Variants in PDZD2 observed in about 807,000 individuals in gnomAD.
PDZD2 encodes the protein PDZ domain-containing protein 2.
In PDZD2, 90 loss-of-function variants were observed where a neutral mutation model predicts 220.7. The ratio of observed to expected loss-of-function variants is 0.41; its 90% confidence interval spans 0.34 to 0.49. The LOEUF (loss-of-function observed/expected upper bound fraction) is 0.49, where lower values mean the gene tolerates loss of function less well. Ranked by LOEUF, PDZD2 falls within the 20% of genes least tolerant of loss-of-function variation. The pLI, the probability that PDZD2 is intolerant of heterozygous loss-of-function variation, is 0.28. For missense variants in PDZD2, 3,174 were observed against 3,608.5 expected, an observed-to-expected ratio of 0.88 and a Z score of 3.08; for synonymous variants, 1,375 against 1,450.5, an observed-to-expected ratio of 0.95 and a Z score of 1.18.
rs1177016838 is a variant in PDZD2, at chr5:32,002,908, CCA to C, written c.1254+2647_1254+2648del. ...CCACACACACCAACACACACCCCCA[CCA>C]CACACACACCACACACACCTCACAC... is the stretch of plus-strand genomic sequence containing the variant. On this transcript the variant is annotated intron_variant, in intron 5 of 24. Transcript: ENST00000438447. Among the ~76,000 whole-genome samples the C allele has an allele frequency of 3.1e-4, 25 of 81,468 alleles. 1 individual carries two copies. The highest frequency in any genetic ancestry group is 1.0e-3 in the African/African-American group (21 of 20,506). 53.4% of individuals were successfully genotyped at this position (81,468 alleles called of 152,430 possible). A position where few individuals can be genotyped will look rare whatever the true frequency, so the allele number is the denominator to read the frequency against.
chr5:31,949,466 T>C (rs1410576171), intron 2 of PDZD2, among the ~76,000 whole-genome samples: 1 of 152,132 alleles, frequency 6.6e-6, no homozygotes, highest in Non-Finnish European at 1.5e-5. Context: ...TCTTCTGCCC[T>C]TTAATCTTTT....
At chr5:31,967,169 G>A (rs572381475) in intron 2 of PDZD2, among the ~76,000 whole-genome samples, 1 of 152,296 alleles carries the variant, frequency 6.6e-6, no homozygotes, top group South Asian at 2.1e-4. Flanking sequence ...AAGAATTGAG[G>A]CAAGCTGGGG....
At chr5:32,080,192 C>CA (rs1317249913) in intron 19 of PDZD2, among the ~76,000 whole-genome samples, 6 of 151,762 alleles carry the variant, frequency 4.0e-5, no homozygotes, top group African/African-American at 1.2e-4. Context: ...ACTAAAAATA[C>CA]AAAAAATTAG....
intron 1 of PDZD2, among the ~76,000 whole-genome samples, chr5:31,721,105 T>C (rs1413159375): frequency 6.6e-6 from 1 of 152,172 alleles, no homozygotes; most frequent in Non-Finnish European, 1.5e-5. Context: ...AAGGGAGTTG[T>C]TAACAGACTG....
chr5:31,809,451 C>G (rs1041684397), intron 2 of PDZD2, among the ~76,000 whole-genome samples: 5 of 152,270 alleles, frequency 3.3e-5, no homozygotes, highest in Admixed American at 2.0e-4. Context: ...GGGAGGTGCC[C>G]CATTCGAGTC....
intron 6 of PDZD2, among the ~76,000 whole-genome samples, chr5:32,030,171 T>C (rs975741326): frequency 3.3e-5 from 5 of 152,264 alleles, no homozygotes; most frequent in Admixed American, 3.3e-4. Flanking sequence ...CAGTCAGTCC[T>C]GGGCCACATT....
intron 2 of PDZD2, among the ~76,000 whole-genome samples, chr5:31,839,058 T>C (rs756225739): frequency 6.6e-6 from 1 of 152,232 alleles, no homozygotes; most frequent in Non-Finnish European, 1.5e-5. Flanking sequence ...GTGCCTGTTC[T>C]GCGTACAGGT....
rs777571422 is a variant in PDZD2, at chr5:32,087,907, T to G, written c.4459T>G (p.Trp1487Gly). 6.2e-7 allele frequency: 1 copy of G among 1,613,590 alleles called. No homozygotes were observed. Among genetic ancestry groups the G allele is most frequent in the East Asian group, 2.2e-5 (1 of 44,882 alleles). ...CCAGACCTCCTCCCCGAGGAGGGCC[T>G]GGGCTGCTGGTGCCCCCGCCTACCC... is the stretch of plus-strand genomic sequence containing the variant. The part of the protein sequence containing the change: ...GGQTSSPRRA[W>G]AAGAPAYPQW... The change falls in exon 20 of 25, where the codon TGG (tryptophan) becomes GGG (glycine). Residue 1487 changes from tryptophan (W) to glycine (G), a missense_variant. Coordinates refer to ENST00000438447, the MANE Select transcript of PDZD2 (RefSeq NM_178140.4). This position sits in a 1 kb window ranked among gnomAD's most constrained non-coding sequence, Gnocchi z 4.0.
At position 31,779,535 on chromosome 5, in the gene PDZD2, G is replaced by T. The variant is rs188979607; in HGVS notation, c.-360-19354G>T. ...ACTACAGGCGCCCGCCACCACGCCCGGCTAACTTTTTGTATTTTTAGTAGA... is the reference window on the plus strand; with the variant it reads ...ACTACAGGCGCCCGCCACCACGCCCTGCTAACTTTTTGTATTTTTAGTAGA... On this transcript the variant is annotated intron_variant, in intron 1 of 24. Coordinates refer to ENST00000438447, the MANE Select transcript of PDZD2 (RefSeq NM_178140.4). 4.3e-3 allele frequency among the ~76,000 whole-genome samples: 658 copies of T among 151,908 alleles called. 19 individuals are homozygous for T. Among genetic ancestry groups the T allele is most frequent in the Admixed American group, 0.037 (558 of 15,260 alleles).
intron 2 of PDZD2, among the ~76,000 whole-genome samples, chr5:31,925,703 C>CT (rs1293662759): frequency 6.6e-6 from 1 of 151,248 alleles, no homozygotes; most frequent in Non-Finnish European, 1.5e-5. Flanking sequence ...TTTGCAAACT[C>CT]TGTTTCCAAC....
chr5:31,784,332 A>G (rs1753251522), intron 1 of PDZD2, among the ~76,000 whole-genome samples: 1 of 152,218 alleles, frequency 6.6e-6, no homozygotes, highest in Non-Finnish European at 1.5e-5. Context: ...AAGGAAGTCA[A>G]GTTTTTATTT....
intron 1 of PDZD2, among the ~76,000 whole-genome samples, chr5:31,666,389 G>A (rs1745988220): frequency 6.6e-6 from 1 of 152,208 alleles, no homozygotes; most frequent in Admixed American, 6.5e-5. Flanking sequence ...CTGCAGCCGA[G>A]CTTATCTCCT....
chr5:32,090,351 C>T lies in PDZD2; in HGVS notation c.6903C>T (p.Val2301=). The T allele has an allele frequency of 6.2e-7, 1 of 1,614,156 alleles. No individual in the cohort carries two copies. Among genetic ancestry groups the T allele is most frequent in the Non-Finnish European group, 8.5e-7 (1 of 1,179,992 alleles). The change falls in exon 20 of 25, where the codon GTC becomes GTT. Residue 2301 remains valine (V), a synonymous_variant. Coordinates refer to ENST00000438447, the MANE Select transcript of PDZD2 (RefSeq NM_178140.4). The surrounding 1 kb of genome is among the most constrained non-coding windows in gnomAD (Gnocchi z 4.3). ...CAGATGAAGGGGATATCATTTCAGT[C>T]CAGGAGACGAGCTGCCTAGTCACAG... ...PATDEGDIIS[V]QETSCLVTDK...
At chr5:31,650,406 ATC>A (rs1745307986) in intron 1 of PDZD2, among the ~76,000 whole-genome samples, 1 of 152,134 alleles carries the variant, frequency 6.6e-6, no homozygotes, top group Admixed American at 6.5e-5. Context: ...TCCATACAGA[ATC>A]TCTGAGAAGC....
Position 32,108,165 on chromosome 5 carries a change from CTTCT to C in PDZD2, c.*37_*40del, listed in dbSNP as rs531917433. The C allele has an allele frequency of 3.8e-5, 57 of 1,515,164 alleles. 1 individual carries two copies. In the South Asian group the frequency reaches 4.3e-4, roughly 11 times the overall value. 93.9% of individuals were successfully genotyped at this position (1,515,164 alleles called of 1,614,324 possible). On this transcript the variant is annotated 3_prime_UTR_variant, in exon 25 of 25. Transcript: ENST00000438447. ...TAACAAGAATCATTTTCTCAGTTCT[CTTCT>C]TTCTTTAGCAAATCAGAGTGACTTC...
At chr5:31,796,560 A>G (rs1754037474) in intron 1 of PDZD2, among the ~76,000 whole-genome samples, 1 of 152,180 alleles carries the variant, frequency 6.6e-6, no homozygotes, top group African/African-American at 2.4e-5. Context: ...GGTCTCGGGG[A>G]AGAACCCTGA....
At chr5:31,910,143 G>A (rs1743038004) in intron 2 of PDZD2, among the ~76,000 whole-genome samples, 1 of 151,464 alleles carries the variant, frequency 6.6e-6, no homozygotes, top group Admixed American at 6.6e-5. Flanking sequence ...ACTTACCTAT[G>A]CGCTCAAAGT....
chr5:32,109,618 G>A lies in PDZD2; in HGVS notation c.*1483G>A, dbSNP rs888869224. ...CAGAAATGTAGTTACAAGCCAGGTC[G>A]TCTTCAGTGGCACAAACCAACCCGT... On this transcript the variant is annotated 3_prime_UTR_variant, in exon 25 of 25. Coordinates refer to ENST00000438447, the MANE Select transcript of PDZD2 (RefSeq NM_178140.4). The A allele has an allele frequency of 3.3e-5, 5 of 152,094 alleles. No homozygotes were observed. Among genetic ancestry groups the A allele is most frequent in the African/African-American group, 4.8e-5 (2 of 41,436 alleles). The allele number at this position is 152,094 out of a possible 1,614,324, so 9.4% of individuals were successfully genotyped here.
At chr5:31,838,162 A>G (rs1002669780) in intron 2 of PDZD2, among the ~76,000 whole-genome samples, 1 of 152,118 alleles carries the variant, frequency 6.6e-6, no homozygotes, top group Non-Finnish European at 1.5e-5. Flanking sequence ...GGTTCAAGCA[A>G]TTCTCCCACC....
Sources: gnomAD v4.1 joint callset for allele counts (sites outside exome capture counted in the v4.1 genomes callset) on GRCh38, gnomAD v4.1.1 for gene constraint, Gnocchi (gnomAD v3.1) non-coding constraint, MANE v1.5 for transcripts, NCBI Gene and HGNC (gene_info 2026-07-23, HGNC 2026-07-21) for gene names.